WWC1: variants seen among roughly 807,000 people sequenced by gnomAD.
The protein encoded by WWC1 is protein KIBRA.
In WWC1, 55 loss-of-function variants were observed where a neutral mutation model predicts 138.4. That is an observed-to-expected ratio of 0.40 (90% CI 0.32 to 0.50). The LOEUF is 0.50. Ranked by LOEUF, WWC1 falls within the 20% of genes least tolerant of loss-of-function variation. The pLI, the probability that WWC1 is intolerant of heterozygous loss-of-function variation, is 0.72. For missense variants in WWC1, 1,226 were observed against 1,420.4 expected (o/e 0.86, Z 2.20); for synonymous variants, 524 against 564.9 (o/e 0.93, Z 1.03).
At chr5:168,447,793 T>TTC (rs71808762) in intron 17 of WWC1, among the ~76,000 whole-genome samples, 22,714 of 151,228 alleles carry the variant, frequency 0.15, 2,494 homozygotes, top group African/African-American at 0.32. Context: ...CTCTCTTTCT[T>TTC]TCTCTCTCTC....
intron 6 of WWC1, among the ~76,000 whole-genome samples, chr5:168,406,667 C>T (rs143158262): frequency 4.7e-4 from 71 of 152,142 alleles, no homozygotes; most frequent in African/African-American, 1.5e-3. Flanking sequence ...GTCGGCCGGG[C>T]GCGGTGGCTC....
At chr5:168,397,062 G>A (rs1428809856) in intron 3 of WWC1, among the ~76,000 whole-genome samples, 1 of 151,174 alleles carries the variant, frequency 6.6e-6, no homozygotes, top group Non-Finnish European at 1.5e-5. Context: ...AGATATCAGT[G>A]TTCTCTTTGG....
At chr5:168,412,080 A>T (rs542093977) in intron 8 of WWC1, 3 of 985,350 alleles carry the variant, frequency 3.0e-6, no homozygotes, top group South Asian at 9.4e-5. Flanking sequence ...GAAGAGGACC[A>T]CTCTGAACCT....
chr5:168,311,476 C>T (rs1395887543), intron 1 of WWC1, among the ~76,000 whole-genome samples: 1 of 152,204 alleles, frequency 6.6e-6, no homozygotes, highest in Non-Finnish European at 1.5e-5. Flanking sequence ...CCTCCTAAAA[C>T]CCTCATTTAT....
chr5:168,331,012 C>G (rs1224174321), intron 1 of WWC1, among the ~76,000 whole-genome samples: 1 of 152,150 alleles, frequency 6.6e-6, no homozygotes, highest in Non-Finnish European at 1.5e-5. Context: ...CACCCCTTCC[C>G]CACTTCTCGA....
At chr5:168,311,256 G>A (rs903387229) in intron 1 of WWC1, among the ~76,000 whole-genome samples, 2 of 152,162 alleles carry the variant, frequency 1.3e-5, no homozygotes, top group African/African-American at 2.4e-5. Flanking sequence ...GCAGGAAGGG[G>A]TCTGCTTCAA....
At chr5:168,301,403 A>G (rs1045170758) in intron 1 of WWC1, among the ~76,000 whole-genome samples, 4 of 152,328 alleles carry the variant, frequency 2.6e-5, no homozygotes, top group Admixed American at 2.6e-4. Context: ...TGGGAGGCCA[A>G]GGTGGGTGGA....
chr5:168,427,751 C>G (rs938393918), intron 11 of WWC1, among the ~76,000 whole-genome samples: 1 of 151,536 alleles, frequency 6.6e-6, no homozygotes, highest in East Asian at 2.0e-4. Flanking sequence ...ACCAGGAGTT[C>G]AAGACCAGCC....
intron 3 of WWC1, among the ~76,000 whole-genome samples, chr5:168,387,602 G>A (rs1262035986): frequency 1.3e-5 from 2 of 152,154 alleles, no homozygotes; most frequent in African/African-American, 4.8e-5. Context: ...TGAGATTCGG[G>A]TACTAGCATG....
intron 17 of WWC1, among the ~76,000 whole-genome samples, chr5:168,445,049 C>T (rs1755120504): frequency 6.6e-6 from 1 of 152,110 alleles, no homozygotes; most frequent in African/African-American, 2.4e-5. Flanking sequence ...GGCACGGTGG[C>T]TCATGCCTGT....
intron 17 of WWC1, among the ~76,000 whole-genome samples, chr5:168,448,780 A>G (rs13184909): frequency 0.35 from 52,796 of 151,838 alleles, 10,387 homozygotes; most frequent in Middle Eastern, 0.49. Context: ...CGCCATGCCC[A>G]GCTAATTTTT....
intron 1 of WWC1, among the ~76,000 whole-genome samples, chr5:168,293,486 G>A (rs112804903): frequency 7.9e-4 from 120 of 152,236 alleles, no homozygotes; most frequent in African/African-American, 2.7e-3. Context: ...GTAGTTTCTG[G>A]GAGCACTTAC....
intron 1 of WWC1, among the ~76,000 whole-genome samples, chr5:168,303,388 G>A (rs1362744598): frequency 2.0e-5 from 3 of 152,084 alleles, no homozygotes; most frequent in Admixed American, 6.6e-5. Context: ...TTTGAGCCCA[G>A]GAGTTTGAGA....
intron 1 of WWC1, among the ~76,000 whole-genome samples, chr5:168,302,739 C>T (rs745338863): frequency 2.0e-5 from 3 of 152,160 alleles, no homozygotes; most frequent in Non-Finnish European, 4.4e-5. Flanking sequence ...TTCTTCCTCT[C>T]CTGTTTCATC....
At chr5:168,405,935 C>T (rs1034741073) in intron 5 of WWC1, among the ~76,000 whole-genome samples, 28 of 152,140 alleles carry the variant, frequency 1.8e-4, no homozygotes, top group African/African-American at 6.5e-4. Context: ...CCATGTTGCT[C>T]AAGTTAGTCT....
At chr5:168,374,100 A>G (rs10072769) in intron 2 of WWC1, among the ~76,000 whole-genome samples, 2,026 of 151,854 alleles carry the variant, frequency 0.013, 37 homozygotes, top group African/African-American at 0.045. Flanking sequence ...TCAAACAACA[A>G]TTCGCTCATA....
At chr5:168,369,137 A>G (rs1776541510) in intron 1 of WWC1, among the ~76,000 whole-genome samples, 1 of 152,210 alleles carries the variant, frequency 6.6e-6, no homozygotes, top group African/African-American at 2.4e-5. Flanking sequence ...AATGTTATTT[A>G]GTCTTTCTTA....
intron 1 of WWC1, among the ~76,000 whole-genome samples, chr5:168,323,367 G>T (rs1322856864): frequency 1.3e-5 from 2 of 152,130 alleles, no homozygotes; most frequent in Admixed American, 6.6e-5. Flanking sequence ...GCAACATGGT[G>T]AGACCTCATC....
intron 1 of WWC1, among the ~76,000 whole-genome samples, chr5:168,355,612 A>G (rs1485177831): frequency 6.6e-6 from 1 of 152,104 alleles, no homozygotes; most frequent in Admixed American, 6.6e-5. Flanking sequence ...CTGCGGGAGC[A>G]AAAGGCTCTG....
Sources: gnomAD v4.1 joint callset for allele counts (sites outside exome capture counted in the v4.1 genomes callset) on GRCh38, gnomAD v4.1.1 for gene constraint, MANE v1.5 for transcripts, NCBI Gene and HGNC (gene_info 2026-07-23, HGNC 2026-07-21) for gene names.